The following HLF variants were observed in gnomAD, a reference collection of about 807,000 sequenced individuals.
HLF encodes the protein hepatic leukemia factor.
A neutral mutation model predicts 22.6 loss-of-function variants in HLF; 3 were observed. That is an observed-to-expected ratio of 0.13 (90% confidence interval 0.06 to 0.34). The LOEUF (loss-of-function observed/expected upper bound fraction) is 0.34. HLF is among the 10% of genes least tolerant of loss of function. The probability of loss-of-function intolerance (pLI) is 1.00; values close to 1 mark genes in which losing one functional copy is unlikely to be tolerated. For synonymous variants in HLF, 151 were observed against 151.8 expected (o/e 0.99, Z 0.04); for missense variants, 299 against 389.2 (o/e 0.77, Z 1.95).
Position 55,265,613 on chromosome 17 carries a change from C to T in HLF, c.115+14C>T, listed in dbSNP as rs969060805. On this transcript the variant is annotated intron_variant, in intron 1 of 3. Coordinates refer to ENST00000226067, the MANE Select transcript of HLF (RefSeq NM_002126.5). ...ACCACGAAGACGGTGAGCGCTGCCG[C>T]GGCCCCGCTCCGGGAAGGGACGACG... 20 of 1,551,810 alleles carry T rather than the reference C, an allele frequency of 1.3e-5. No homozygotes were observed. Among genetic ancestry groups the T allele is most frequent in the Non-Finnish European group, 1.8e-5 (20 of 1,137,852 alleles).
chr17:55,302,897 G>A (rs1256614356), intron 2 of HLF, among the ~76,000 whole-genome samples: 2 of 152,210 alleles, frequency 1.3e-5, no homozygotes, highest in Non-Finnish European at 2.9e-5. Flanking sequence ...CCATCCTAGG[G>A]GGACCGAGGT....
rs1331824698 is a variant in HLF, at chr17:55,277,270, T to C, written c.451+9184T>C. On this transcript the variant is annotated intron_variant, in intron 2 of 3. Coordinates refer to ENST00000226067, the MANE Select transcript of HLF (RefSeq NM_002126.5). ...GTGTGTGTGTGTGTGTGTGTGTGTG[T>C]GTGTGCGCGCGCATGTGTACGTGGG... is the stretch of plus-strand genomic sequence containing the variant. 4.6e-3 allele frequency among the ~76,000 whole-genome samples: 534 copies of C among 116,968 alleles called. 1 individual carries two copies. The highest frequency in any genetic ancestry group is 0.021 in the African/African-American group (513 of 24,004). 76.7% of individuals were successfully genotyped at this position (116,968 alleles called of 152,430 possible).
At position 55,323,466 on chromosome 17, in the gene HLF, G is replaced by A. The variant is rs906883396; in HGVS notation, c.*2587G>A. On this transcript the variant is annotated 3_prime_UTR_variant, in exon 4 of 4. Coordinates refer to ENST00000226067, the MANE Select transcript of HLF (RefSeq NM_002126.5). ...TGAGCACTGGTCTCTCTTGGAATTA[G>A]ATGTTTATATCAAATGAGCATCTCA... 6 of 215,086 alleles carry A rather than the reference G, an allele frequency of 2.8e-5. No individual in the cohort carries two copies. The highest frequency in any genetic ancestry group is 1.4e-4 in the African/African-American group (6 of 44,400). 13.3% of individuals were successfully genotyped at this position (215,086 alleles called of 1,614,324 possible). A position where few individuals can be genotyped will look rare whatever the true frequency, so the allele number is the denominator to read the frequency against.
intron 2 of HLF, among the ~76,000 whole-genome samples, chr17:55,270,979 T>C (rs2080850833): frequency 6.6e-6 from 1 of 152,168 alleles, no homozygotes; most frequent in Non-Finnish European, 1.5e-5. Context: ...ATAGGATGCT[T>C]AGCAGCATCG....
At chr17:55,290,373 A>G (rs2081049702) in intron 2 of HLF, among the ~76,000 whole-genome samples, 1 of 152,202 alleles carries the variant, frequency 6.6e-6, no homozygotes, top group South Asian at 2.1e-4. Context: ...TATTTTTCCA[A>G]CAGTATGTGT....
At position 55,288,605 on chromosome 17, in the gene HLF, A is replaced by G. The variant is rs140256134; in HGVS notation, c.451+20519A>G. 6.8e-3 allele frequency among the ~76,000 whole-genome samples: 1,039 copies of G among 152,146 alleles called. 5 individuals carry two copies. The highest frequency in any genetic ancestry group is 0.011 in the Non-Finnish European group (764 of 67,990). ...TAATGAAACCCCATCTCTACCAAAAACAGAAAAAAATTAGCCAGGTGTGGT... is the reference window on the plus strand; with the variant it reads ...TAATGAAACCCCATCTCTACCAAAAGCAGAAAAAAATTAGCCAGGTGTGGT... On this transcript the variant is annotated intron_variant, in intron 2 of 3. Transcript: ENST00000226067.
At chr17:55,314,636 C>T (rs1904991343) in intron 2 of HLF, among the ~76,000 whole-genome samples, 1 of 152,220 alleles carries the variant, frequency 6.6e-6, no homozygotes, top group Non-Finnish European at 1.5e-5. Context: ...ATACGTGGTT[C>T]TGCAAAAATG....
rs1430609073 is a variant in HLF at position 55,324,724 on chromosome 17, CA to C, written c.*3848del. On this transcript the variant is annotated 3_prime_UTR_variant, in exon 4 of 4. Transcript: ENST00000226067. ...TTAATAATGTCATTTAAAAAATGAG[CA>C]AAGCCTTATCCGAATCGGATATAGC... 4.3e-6 allele frequency: 1 copy of C among 232,954 alleles called. No individual in the cohort carries two copies. The allele number at this position is 232,954 out of a possible 1,614,324, so 14.4% of individuals were successfully genotyped here. A position where few individuals can be genotyped will look rare whatever the true frequency, so the allele number is the denominator to read the frequency against.
chr17:55,320,379 C>T lies in HLF; in HGVS notation c.673-285C>T, dbSNP rs997215077. On this transcript the variant is annotated intron_variant, in intron 3 of 3. Coordinates refer to ENST00000226067, the MANE Select transcript of HLF (RefSeq NM_002126.5). This position sits in a 1 kb window ranked among gnomAD's most constrained non-coding sequence, Gnocchi z 4.2. ...GTAATTTAAGGGTGAGGTGAGCCACCTGCTTTCATCCAGCCTCTGATCTCT... is the reference window on the plus strand; with the variant it reads ...GTAATTTAAGGGTGAGGTGAGCCACTTGCTTTCATCCAGCCTCTGATCTCT... 1.3e-5 allele frequency among the ~76,000 whole-genome samples: 2 copies of T among 152,194 alleles called. No individual in the cohort carries two copies. The highest frequency in any genetic ancestry group is 4.8e-5 in the African/African-American group (2 of 41,434).
At chr17:55,301,845 A>G (rs996220874) in intron 2 of HLF, among the ~76,000 whole-genome samples, 1 of 152,266 alleles carries the variant, frequency 6.6e-6, no homozygotes, top group Non-Finnish European at 1.5e-5. Context: ...CAGTTGTCCA[A>G]GTTCCTCATG....
At chr17:55,298,305 C>T (rs1018381028) in intron 2 of HLF, among the ~76,000 whole-genome samples, 7 of 152,120 alleles carry the variant, frequency 4.6e-5, no homozygotes, top group East Asian at 1.9e-4. Context: ...TTGCAGACCA[C>T]GGTGGCATTT....
At chr17:55,281,531 C>T (rs145487474) in intron 2 of HLF, among the ~76,000 whole-genome samples, 80 of 152,110 alleles carry the variant, frequency 5.3e-4, no homozygotes, top group African/African-American at 1.8e-3. Context: ...ACAAACAAAA[C>T]AAAAAATATC....
At chr17:55,269,507 C>T (rs995220677) in intron 2 of HLF, among the ~76,000 whole-genome samples, 1 of 152,196 alleles carries the variant, frequency 6.6e-6, no homozygotes, top group African/African-American at 2.4e-5. Context: ...GTGAGAGACA[C>T]AGTTATGCCT....
Position 55,321,076 on chromosome 17 carries a change from C to T in HLF, c.*197C>T, listed in dbSNP as rs1228033082. The T allele has an allele frequency of 7.1e-6, 4 of 562,548 alleles. No individual in the cohort carries two copies. The highest frequency in any genetic ancestry group is 3.0e-5 in the East Asian group (1 of 33,382). The allele number at this position is 562,548 out of a possible 1,614,324, so 34.8% of individuals were successfully genotyped here. ...TCATGTGTGTGGTCAGCGGTATGTG[C>T]GTGTGCGTGTTCCTTTGCTCTTGCC... On this transcript the variant is annotated 3_prime_UTR_variant, in exon 4 of 4. Transcript: ENST00000226067.
intron 2 of HLF, among the ~76,000 whole-genome samples, chr17:55,304,771 C>A (rs1904467706): frequency 6.6e-6 from 1 of 152,142 alleles, no homozygotes; most frequent in African/African-American, 2.4e-5. Flanking sequence ...AGGGGCCTTC[C>A]CACATACTGT....
In HLF at chr17:55,321,206, T is replaced by G; in HGVS notation, c.*327T>G. On this transcript the variant is annotated 3_prime_UTR_variant, in exon 4 of 4. Transcript: ENST00000226067. ...CGCGGGTCTCCCATCCCCTCCCTCC[T>G]TCACTCCTGCCTCCTCAGCTTTGCT... is the stretch of plus-strand genomic sequence containing the variant. 9.8e-6 allele frequency: 3 copies of G among 305,258 alleles called. No homozygotes were observed. The Admixed American group carries it at 1.4e-4, about 14-fold the overall frequency. 18.9% of individuals were successfully genotyped at this position (305,258 alleles called of 1,614,324 possible).
chr17:55,320,540 C>A lies in HLF; in HGVS notation c.673-124C>A, dbSNP rs535345961. On this transcript the variant is annotated intron_variant, in intron 3 of 3. Transcript: ENST00000226067. The surrounding 1 kb of genome is among the most constrained non-coding windows in gnomAD (Gnocchi z 4.2). The stretch of plus-strand genomic sequence containing the variant: ...GCAGAAACTGTAAAGGAAGGAGACA[C>A]AAGCTAAGAAACCCGGGCTGGCACC... The A allele has an allele frequency of 2.9e-5, 21 of 732,024 alleles. No individual in the cohort carries two copies. Among genetic ancestry groups the A allele is most frequent in the Admixed American group, 2.0e-4 (7 of 34,558 alleles). 45.3% of individuals were successfully genotyped at this position (732,024 alleles called of 1,614,324 possible).
intron 2 of HLF, chr17:55,288,901 A>C (rs1047340547): frequency 1.1e-5 from 11 of 985,246 alleles, no homozygotes; most frequent in Middle Eastern, 5.2e-4. Flanking sequence ...GGAAGTCAGC[A>C]GCTCCAGCCT....
chr17:55,324,095 T>C lies in HLF; in HGVS notation c.*3216T>C, dbSNP rs1338039884. Reference sequence around the variant, plus strand: ...CTTTCTCTTCAGGAAGTGGCCACTTTGAACCATTCAAATACCACATTAGGC... The same window carrying C: ...CTTTCTCTTCAGGAAGTGGCCACTTCGAACCATTCAAATACCACATTAGGC... On this transcript the variant is annotated 3_prime_UTR_variant, in exon 4 of 4. Transcript: ENST00000226067. 4.4e-6 allele frequency: 1 copy of C among 227,434 alleles called. No homozygotes were observed. Among genetic ancestry groups the C allele is most frequent in the Non-Finnish European group, 8.7e-6 (1 of 114,502 alleles). 14.1% of individuals were successfully genotyped at this position (227,434 alleles called of 1,614,324 possible).
Sources: gnomAD v4.1 joint callset for allele counts (sites outside exome capture counted in the v4.1 genomes callset) on GRCh38, gnomAD v4.1.1 for gene constraint, Gnocchi (gnomAD v3.1) non-coding constraint, MANE v1.5 for transcripts, NCBI Gene and HGNC (gene_info 2026-07-23, HGNC 2026-07-21) for gene names.